PAX3: variants seen among roughly 807,000 people sequenced by gnomAD.
PAX3 encodes the protein paired box protein Pax-3.
In PAX3, 14 loss-of-function variants were observed where a neutral mutation model predicts 51.6. The ratio of observed to expected loss-of-function variants is 0.27; its 90% CI spans 0.18 to 0.42. The LOEUF (loss-of-function observed/expected upper bound fraction) is 0.42, where lower values mean the gene tolerates loss of function less well. PAX3 is among the 10% of genes least tolerant of loss of function. PAX3 has a pLI of 1.00. For synonymous variants in PAX3, 280 were observed against 253.4 expected (o/e 1.11, Z -1.00); for missense variants, 540 against 642.8 (o/e 0.84, Z 1.73).
intron 5 of PAX3, among the ~76,000 whole-genome samples, chr2:222,226,775 T>C (rs1285209403): frequency 6.6e-6 from 1 of 150,802 alleles, no homozygotes; most frequent in East Asian, 2.0e-4. Flanking sequence ...GGAATCACCA[T>C]TGTTATTTTT....
chr2:222,293,071 C>T (rs1559315077), intron 4 of PAX3, among the ~76,000 whole-genome samples: 1 of 152,174 alleles, frequency 6.6e-6, no homozygotes, highest in Non-Finnish European at 1.5e-5. Flanking sequence ...GGGCTCGGAC[C>T]CAGCTAGTCA....
rs373796053 is a variant in PAX3, at chr2:222,253,855, A to G, written c.587-21572T>C. On this transcript the variant is annotated intron_variant, in intron 4 of 8. Coordinates refer to ENST00000392070, the MANE Select transcript of PAX3 (RefSeq NM_181458.4). The stretch of plus-strand genomic sequence containing the variant: ...TTTTTTAAGAGATGGGGCTCTCACT[A>G]TGTTGCCCAGCCTGTTGCCAAACTC... Among the ~76,000 whole-genome samples the G allele has an allele frequency of 1.3e-3, 190 of 151,972 alleles. 2 individuals are homozygous for G. The South Asian group carries it at 0.027, about 21-fold the overall frequency.
At chr2:222,262,046 C>T (rs1693880969) in intron 4 of PAX3, among the ~76,000 whole-genome samples, 1 of 152,196 alleles carries the variant, frequency 6.6e-6, no homozygotes, top group South Asian at 2.1e-4. Flanking sequence ...TACCACAATC[C>T]ATTGGTTTTG....
chr2:222,205,135 G>A (rs1023025157), intron 7 of PAX3, among the ~76,000 whole-genome samples: 23 of 152,242 alleles, frequency 1.5e-4, no homozygotes, highest in African/African-American at 4.8e-4. Context: ...CAGTCGCTGC[G>A]TTAGAAAATT....
At chr2:222,249,510 G>A (rs758921835) in intron 4 of PAX3, among the ~76,000 whole-genome samples, 1 of 152,134 alleles carries the variant, frequency 6.6e-6, no homozygotes, top group Non-Finnish European at 1.5e-5. Context: ...AAAAAGGTTT[G>A]AGTAAATCCT....
chr2:222,239,340 A>G (rs761452480), intron 4 of PAX3, among the ~76,000 whole-genome samples: 25 of 145,544 alleles, frequency 1.7e-4, no homozygotes, highest in Non-Finnish European at 3.5e-4. Context: ...TTTTTTTTTC[A>G]GAGAGAGAAG....
chr2:222,295,667 A>G lies in PAX3; in HGVS notation c.322-10T>C. Reference sequence around the variant, plus strand: ...CAGGCGTTGTCACCTGCTTTAAGAGAACAGGCGGGCAGGCGTTGGTACCCG... The same window carrying G: ...CAGGCGTTGTCACCTGCTTTAAGAGGACAGGCGGGCAGGCGTTGGTACCCG... On this transcript the variant is annotated splice_polypyrimidine_tract_variant and intron_variant, in intron 2 of 8. Transcript: ENST00000392070. The G allele has an allele frequency of 1.2e-6, 2 of 1,614,048 alleles. No homozygotes were observed. The highest frequency in any genetic ancestry group is 2.7e-5 in the African/African-American group (2 of 75,050).
chr2:222,278,131 A>G (rs756945723), intron 4 of PAX3, among the ~76,000 whole-genome samples: 1 of 152,124 alleles, frequency 6.6e-6, no homozygotes, highest in African/African-American at 2.4e-5. Context: ...TGAATCCCAG[A>G]TATCATTGGT....
chr2:222,220,317 T>C lies in PAX3; in HGVS notation c.996A>G (p.Gln332=), dbSNP rs1692143049. ...SDPSSTVHRP[Q]PLPPSTVHQS... Reference sequence around the variant, plus strand: ...GGTGTACAGTGCTTGGAGGAAGCGGTTGAGGTCTGTGAACGGTGCTGCTGG... The same window carrying C: ...GGTGTACAGTGCTTGGAGGAAGCGGCTGAGGTCTGTGAACGGTGCTGCTGG... Residue 332 remains glutamine (Q), a synonymous_variant, in exon 7 of 9, where the codon CAA becomes CAG. Transcript: ENST00000392070. The C allele has an allele frequency of 1.2e-6, 2 of 1,614,066 alleles. No homozygotes were observed. The highest frequency in any genetic ancestry group is 1.7e-6 in the Non-Finnish European group (2 of 1,179,968).
intron 7 of PAX3, among the ~76,000 whole-genome samples, chr2:222,209,434 G>A (rs906688896): frequency 6.6e-6 from 1 of 152,020 alleles, no homozygotes; most frequent in African/African-American, 2.4e-5. Context: ...TGTCAGGAAA[G>A]GTATTTCTGG....
chr2:222,210,402 G>A (rs942711139), intron 7 of PAX3, among the ~76,000 whole-genome samples: 7 of 152,070 alleles, frequency 4.6e-5, no homozygotes, highest in East Asian at 3.9e-4. Flanking sequence ...TCTTTGAGGC[G>A]AGTATCTTGC....
intron 8 of PAX3, chr2:222,201,648 A>T (rs900901035): frequency 7.4e-7 from 1 of 1,351,096 alleles, no homozygotes; most frequent in East Asian, 2.5e-5. Flanking sequence ...CTCATTAAGA[A>T]CATGTGTTTC....
At chr2:222,267,492 A>G (rs965598849) in intron 4 of PAX3, among the ~76,000 whole-genome samples, 8 of 152,186 alleles carry the variant, frequency 5.3e-5, no homozygotes, top group African/African-American at 1.9e-4. Flanking sequence ...AAAAAAATCT[A>G]TTCTTTCTGT....
intron 4 of PAX3, among the ~76,000 whole-genome samples, chr2:222,285,407 T>C (rs953797388): frequency 5.3e-5 from 8 of 152,214 alleles, no homozygotes; most frequent in Admixed American, 5.2e-4. Flanking sequence ...CAAGAGCCTG[T>C]GAACTGGGTA....
Position 222,201,316 on chromosome 2 carries a change from G to A in PAX3, c.*92C>T, listed in dbSNP as rs1054372774. 96 of 1,612,498 alleles carry A rather than the reference G, an allele frequency of 6.0e-5. No individual in the cohort carries two copies. The highest frequency in any genetic ancestry group is 7.1e-5 in the Non-Finnish European group (84 of 1,179,902). On this transcript the variant is annotated 3_prime_UTR_variant, in exon 9 of 9. Transcript: ENST00000392070. ...CTGCCCCACCCCCCCCAACAAAAGG[G>A]TAATTTTTTTTTGTTTTCAGAGCAG...
At chr2:222,251,254 C>T (rs1246054328) in intron 4 of PAX3, among the ~76,000 whole-genome samples, 1 of 152,142 alleles carries the variant, frequency 6.6e-6, no homozygotes, top group Non-Finnish European at 1.5e-5. Context: ...TCCCTCCACC[C>T]TCCCCCAACC....
At chr2:222,222,615 G>A (rs1381632205) in intron 5 of PAX3, among the ~76,000 whole-genome samples, 16 of 152,082 alleles carry the variant, frequency 1.1e-4, no homozygotes, top group Non-Finnish European at 8.8e-5. Context: ...TGTGGGTCTT[G>A]AACTCCTAAG....
Position 222,298,730 on chromosome 2 carries a change from C to T in PAX3, c.-115G>A, listed in dbSNP as rs1186161606. The T allele has an allele frequency of 2.9e-6, 3 of 1,032,632 alleles. No homozygotes were observed. The highest frequency in any genetic ancestry group is 3.2e-5 in the African/African-American group (2 of 63,314). The allele number at this position is 1,032,632 out of a possible 1,614,324, so 64.0% of individuals were successfully genotyped here. On this transcript the variant is annotated 5_prime_UTR_variant, in exon 1 of 9. Transcript: ENST00000392070. Reference sequence around the variant, plus strand: ...GAGCGTGGAGAGCCCCTCCCCAAAACGGCTGGAGAGAGAGGGAGGGACGCG... The same window carrying T: ...GAGCGTGGAGAGCCCCTCCCCAAAATGGCTGGAGAGAGAGGGAGGGACGCG...
intron 4 of PAX3, among the ~76,000 whole-genome samples, chr2:222,291,507 A>G (rs2106191755): frequency 6.6e-6 from 1 of 152,314 alleles, no homozygotes; most frequent in East Asian, 1.9e-4. Flanking sequence ...GGAGAAAGCC[A>G]CTGGAGAGAA....
Sources: allele counts gnomAD v4.1 joint callset (sites outside exome capture counted in the v4.1 genomes callset), GRCh38; gene constraint gnomAD v4.1.1; transcripts MANE v1.5; gene names NCBI Gene and HGNC (gene_info 2026-07-23, HGNC 2026-07-21).